The following ANO2 variants were observed in gnomAD, a reference collection of about 807,000 sequenced individuals.
The protein encoded by ANO2 is anoctamin 2, also known as anoctamin-2.
In ANO2, 101 loss-of-function variants were observed where a neutral mutation model predicts 124.2. The ratio of observed to expected loss-of-function variants is 0.81; its 90% CI spans 0.69 to 0.96. The LOEUF (loss-of-function observed/expected upper bound fraction) is 0.96. Ranked by LOEUF, ANO2 falls within the 40% of genes least tolerant of loss-of-function variation. ANO2 has a pLI of 0.00. For synonymous variants in ANO2, 486 were observed against 482.5 expected (o/e 1.01, Z -0.09); for missense variants, 1,293 against 1,274.5 (o/e 1.01, Z -0.22).
intron 20 of ANO2, among the ~76,000 whole-genome samples, chr12:5,595,163 C>T (rs974411221): frequency 6.6e-6 from 1 of 152,144 alleles, no homozygotes; most frequent in African/African-American, 2.4e-5. Context: ...TTCATTCCCT[C>T]ATCTTTGTGT....
At chr12:5,735,432 A>C (rs1025532608) in intron 13 of ANO2, among the ~76,000 whole-genome samples, 13 of 152,166 alleles carry the variant, frequency 8.5e-5, no homozygotes, top group Non-Finnish European at 1.6e-4. Context: ...GTCATCAAGC[A>C]CCTGCTATAC....
intron 4 of ANO2, among the ~76,000 whole-genome samples, chr12:5,844,879 C>A (rs998405368): frequency 1.6e-5 from 2 of 122,628 alleles, no homozygotes; most frequent in Non-Finnish European, 3.7e-5. Flanking sequence ...GTTTTTACTA[C>A]AAGGCTTCTC....
At position 5,807,503 on chromosome 12, in the gene ANO2, C is replaced by T. The variant is rs1195142069; in HGVS notation, c.893-135G>A. 3.6e-5 allele frequency: 23 copies of T among 632,972 alleles called. 1 individual carries two copies. The highest frequency in any genetic ancestry group is 7.3e-5 in the Admixed American group (2 of 27,512). 39.2% of individuals were successfully genotyped at this position (632,972 alleles called of 1,614,324 possible). On this transcript the variant is annotated intron_variant, in intron 7 of 24. Transcript: ENST00000682330. ...TGCATCCTCCTCTATATCATCCAGGCTAGAACTTTTTGTCAAGCTCTGGTT... is the reference window on the plus strand; with the variant it reads ...TGCATCCTCCTCTATATCATCCAGGTTAGAACTTTTTGTCAAGCTCTGGTT...
intron 10 of ANO2, among the ~76,000 whole-genome samples, chr12:5,795,164 C>T (rs796809331): frequency 1.3e-5 from 2 of 152,296 alleles, no homozygotes; most frequent in African/African-American, 4.8e-5. Context: ...AGATCCCATT[C>T]GTGGCATGTC....
chr12:5,731,874 G>C (rs1473440257), intron 14 of ANO2, among the ~76,000 whole-genome samples: 1 of 152,058 alleles, frequency 6.6e-6, no homozygotes, highest in Non-Finnish European at 1.5e-5. Context: ...AGCAAATACA[G>C]GCATGTATTT....
rs772112882 is a variant in ANO2, at chr12:5,565,577, G to A, written c.2708C>T (p.Ala903Val). 2 of 1,602,596 alleles carry A rather than the reference G, an allele frequency of 1.2e-6. No individual in the cohort carries two copies. Among genetic ancestry groups the A allele is most frequent in the Non-Finnish European group, 1.7e-6 (2 of 1,174,164 alleles). ...ACTCACCTGGAAGATTATGACAAAA[G>A]CCAGACGGGCGGACAGAATAAACCA... ...QYWFILSARL[A>V]FVIIFQNLVM... Residue 903 changes from alanine to valine, a missense_variant, in exon 24 of 25, where the codon GCT (alanine) becomes GTT (valine). By Grantham distance (64) the Ala-to-Val change is moderately conservative. Coordinates refer to ENST00000682330, the MANE Select transcript of ANO2 (RefSeq NM_001364791.2).
intron 3 of ANO2, among the ~76,000 whole-genome samples, chr12:5,868,348 G>A (rs187539309): frequency 2.8e-4 from 42 of 152,276 alleles, no homozygotes; most frequent in Non-Finnish European, 4.4e-4. Flanking sequence ...GAAAATCCCA[G>A]CTCTGCCACT....
chr12:5,854,970 G>GA (rs1314891947), intron 3 of ANO2, among the ~76,000 whole-genome samples: 1 of 150,974 alleles, frequency 6.6e-6, no homozygotes, highest in Non-Finnish European at 1.5e-5. Context: ...ACGCACAGGG[G>GA]AAAAAATACT....
intron 10 of ANO2, among the ~76,000 whole-genome samples, chr12:5,752,702 T>C (rs1261092073): frequency 6.6e-6 from 1 of 152,242 alleles, no homozygotes; most frequent in Non-Finnish European, 1.5e-5. Context: ...GATTGTTTCC[T>C]TTGCTGTGTA....
chr12:5,741,622 T>C (rs1021532676), intron 12 of ANO2, among the ~76,000 whole-genome samples: 5 of 152,134 alleles, frequency 3.3e-5, no homozygotes, highest in Admixed American at 6.5e-5. Flanking sequence ...GAGTCATGGA[T>C]AGATGAGTCG....
In ANO2 at chr12:5,636,605, T is replaced by TACACACACACACACACAC. The variant is rs61059041; in HGVS notation, c.1621-1276_1621-1259dup. On this transcript the variant is annotated intron_variant, in intron 15 of 24. Coordinates refer to ENST00000682330, the MANE Select transcript of ANO2 (RefSeq NM_001364791.2). This position sits in a 1 kb window ranked among gnomAD's most constrained non-coding sequence, Gnocchi z 4.6. ...CCTGAAAAAATAAGCTGTGCTGGAC[T>TACACACACACACACACAC]ACACACACACACACACACACACACA... Among the ~76,000 whole-genome samples the TACACACACACACACACAC allele has an allele frequency of 1.9e-4, 23 of 118,574 alleles. No individual in the cohort carries two copies. The highest frequency in any genetic ancestry group is 1.4e-3 in the South Asian group (4 of 2,800). 77.8% of individuals were successfully genotyped at this position (118,574 alleles called of 152,430 possible). A position where few individuals can be genotyped will look rare whatever the true frequency, so the allele number is the denominator to read the frequency against.
intron 10 of ANO2, among the ~76,000 whole-genome samples, chr12:5,786,051 A>C (rs1345322255): frequency 6.6e-6 from 1 of 151,114 alleles, no homozygotes; most frequent in African/African-American, 2.4e-5. Context: ...GGGGTGAGAG[A>C]AATCCAGGGA....
rs1403876736 is a variant in ANO2 at position 5,736,602 on chromosome 12, G to A, written c.1434+2715C>T. ...CACTCACTCCTCGTTTTGAATGTGGGTTAAATGCTTCATATAAGTCCTAGG... is the reference window on the plus strand; with the variant it reads ...CACTCACTCCTCGTTTTGAATGTGGATTAAATGCTTCATATAAGTCCTAGG... On this transcript the variant is annotated intron_variant, in intron 13 of 24. Transcript: ENST00000682330. Among the ~76,000 whole-genome samples, 2 of 152,128 alleles carry A rather than the reference G, an allele frequency of 1.3e-5. 1 individual carries two copies. Among genetic ancestry groups the A allele is most frequent in the Admixed American group, 1.3e-4 (2 of 15,284 alleles).
At chr12:5,571,289 C>T (rs993121341) in intron 23 of ANO2, among the ~76,000 whole-genome samples, 3 of 152,254 alleles carry the variant, frequency 2.0e-5, no homozygotes, top group African/African-American at 7.2e-5. Context: ...TGCTGCTAAT[C>T]ATGCCTGCAG....
intron 3 of ANO2, among the ~76,000 whole-genome samples, chr12:5,865,521 T>C (rs1284763781): frequency 1.3e-5 from 2 of 150,200 alleles, no homozygotes; most frequent in Non-Finnish European, 3.0e-5. Context: ...CATCACACCA[T>C]CATACATTCA....
chr12:5,872,736 A>G (rs189161233), intron 3 of ANO2, among the ~76,000 whole-genome samples: 183 of 152,238 alleles, frequency 1.2e-3, no homozygotes, highest in Non-Finnish European at 1.9e-3. Context: ...TCCTTTTTCT[A>G]GGAAAAAGAT....
chr12:5,713,309 T>C lies in ANO2; in HGVS notation c.1545+19211A>G, dbSNP rs1028768680. ...ACAACTGGGTTGTTCAAAAGTGGTGTCATTTAACAAGAATGAACCACATGC... is the reference window on the plus strand; with the variant it reads ...ACAACTGGGTTGTTCAAAAGTGGTGCCATTTAACAAGAATGAACCACATGC... On this transcript the variant is annotated intron_variant, in intron 14 of 24. Transcript: ENST00000682330. Among the ~76,000 whole-genome samples the C allele has an allele frequency of 7.2e-5, 11 of 152,194 alleles. No homozygotes were observed. The South Asian group carries it at 1.9e-3, about 26-fold the overall frequency.
chr12:5,914,070 T>C (rs559237402), intron 3 of ANO2, among the ~76,000 whole-genome samples: 8 of 151,992 alleles, frequency 5.3e-5, no homozygotes, highest in South Asian at 2.1e-4. Flanking sequence ...CATGGTGTTG[T>C]GCACCTGTAA....
rs1490955429 is a variant in ANO2, at chr12:5,873,243, C to CTG, written c.535-19103_535-19102insCA. ...TCTCTCTCTCTCTCTCTCTCTCTCT[C>CTG]TCTGTCTGTCTCTCTCCCTTTCTCT... On this transcript the variant is annotated intron_variant, in intron 3 of 24. Transcript: ENST00000682330. Among the ~76,000 whole-genome samples the CTG allele has an allele frequency of 4.5e-5, 6 of 132,864 alleles. 1 individual carries two copies. Among genetic ancestry groups the CTG allele is most frequent in the South Asian group, 5.2e-4 (2 of 3,810 alleles). The allele number at this position is 132,864 out of a possible 152,430, so 87.2% of individuals were successfully genotyped here.
Sources: allele counts gnomAD v4.1 joint callset (sites outside exome capture counted in the v4.1 genomes callset), GRCh38; gene constraint gnomAD v4.1.1; non-coding constraint Gnocchi (gnomAD v3.1); transcripts MANE v1.5; gene names NCBI Gene and HGNC (gene_info 2026-07-23, HGNC 2026-07-21).